SYT1: variants seen among roughly 807,000 people sequenced by gnomAD.
SYT1 encodes synaptotagmin 1, also known as synaptotagmin-1.
Under a neutral mutation model 44.8 loss-of-function variants are expected in SYT1, and 8 were observed. That is an observed-to-expected ratio of 0.18 (90% confidence interval 0.10 to 0.32). The LOEUF (loss-of-function observed/expected upper bound fraction) is 0.32, where lower values mean the gene tolerates loss of function less well. SYT1 is among the 10% of genes least tolerant of loss of function. The pLI is 1.00. For missense variants in SYT1, 286 were observed against 509.3 expected (o/e 0.56, Z 4.22); for synonymous variants, 154 against 188.8 (o/e 0.82, Z 1.51).
chr12:78,936,449 C>T (rs78000438), intron 1 of SYT1, among the ~76,000 whole-genome samples: 14 of 152,002 alleles, frequency 9.2e-5, no homozygotes, highest in African/African-American at 3.1e-4. Flanking sequence ...ATATGTGTTA[C>T]GTCTTTTAAG....
intron 8 of SYT1, among the ~76,000 whole-genome samples, chr12:79,315,601 G>C (rs1411716933): frequency 6.6e-6 from 1 of 152,158 alleles, no homozygotes. Context: ...CAGCCCTCAG[G>C]TGTGCTGGAA....
chr12:79,154,242 A>C (rs562747783), intron 3 of SYT1, among the ~76,000 whole-genome samples: 1 of 152,238 alleles, frequency 6.6e-6, no homozygotes, highest in African/African-American at 2.4e-5. Context: ...GAAGCTCTAA[A>C]ATTTCAGAAA....
At chr12:79,446,892 C>G (rs1209997065) in intron 10 of SYT1, among the ~76,000 whole-genome samples, 1 of 152,116 alleles carries the variant, frequency 6.6e-6, no homozygotes, top group Non-Finnish European at 1.5e-5. Context: ...ACTAACACCT[C>G]CTGGCATTTA....
intron 2 of SYT1, among the ~76,000 whole-genome samples, chr12:78,998,754 A>T (rs966674983): frequency 1.2e-4 from 19 of 152,194 alleles, no homozygotes; most frequent in African/African-American, 4.1e-4. Context: ...TGGAGTAATA[A>T]TATGAGCTTC....
intron 4 of SYT1, among the ~76,000 whole-genome samples, chr12:79,256,699 G>T (rs1160575206): frequency 6.6e-6 from 1 of 152,170 alleles, no homozygotes; most frequent in East Asian, 1.9e-4. Context: ...AAGTTTACAA[G>T]CAATAGGAAT....
chr12:79,303,302 G>C (rs189390668), intron 8 of SYT1, among the ~76,000 whole-genome samples: 1 of 151,492 alleles, frequency 6.6e-6, no homozygotes, highest in Admixed American at 6.6e-5. Flanking sequence ...TTAACATTTT[G>C]TTCCTATTTA....
intron 2 of SYT1, chr12:79,046,383 ATT>A (rs1191358323): frequency 5.3e-5 from 8 of 152,184 alleles, no homozygotes; most frequent in African/African-American, 1.9e-4. Flanking sequence ...TAAATATTTC[ATT>A]CTTTCCTCAT....
chr12:79,408,122 C>G (rs1270375661), intron 9 of SYT1, among the ~76,000 whole-genome samples: 1 of 152,088 alleles, frequency 6.6e-6, no homozygotes, highest in South Asian at 2.1e-4. Context: ...CTACTCTGAA[C>G]AGGAGATGGC....
chr12:78,947,509 AG>A (rs932529686), intron 1 of SYT1, among the ~76,000 whole-genome samples: 1 of 130,404 alleles, frequency 7.7e-6, no homozygotes, highest in Admixed American at 8.2e-5. Flanking sequence ...GTCTGACAAA[AG>A]GTTGAATCTA....
chr12:79,009,766 G>T (rs574228523), intron 2 of SYT1, among the ~76,000 whole-genome samples: 8 of 151,998 alleles, frequency 5.3e-5, no homozygotes, highest in Non-Finnish European at 8.8e-5. Context: ...TCTCTTCTTT[G>T]TTTCCCCATC....
intron 2 of SYT1, among the ~76,000 whole-genome samples, chr12:79,042,990 A>C (rs1873711459): frequency 6.8e-6 from 1 of 146,688 alleles, no homozygotes; most frequent in Admixed American, 7.0e-5. Flanking sequence ...GGTCTGAGAG[A>C]TAGTTTGTTA....
intron 1 of SYT1, among the ~76,000 whole-genome samples, chr12:78,873,933 T>C (rs1873939745): frequency 6.6e-6 from 1 of 151,598 alleles, no homozygotes; most frequent in Admixed American, 6.6e-5. Context: ...AATATAAGTG[T>C]GTTTGTAGCT....
At chr12:79,029,316 T>C (rs987976085) in intron 2 of SYT1, among the ~76,000 whole-genome samples, 1 of 150,772 alleles carries the variant, frequency 6.6e-6, no homozygotes, top group African/African-American at 2.4e-5. Flanking sequence ...TTTTCTTTTT[T>C]AATTCACACA....
intron 1 of SYT1, among the ~76,000 whole-genome samples, chr12:78,900,787 C>T (rs1048515745): frequency 1.3e-5 from 2 of 152,050 alleles, no homozygotes; most frequent in Non-Finnish European, 2.9e-5. Context: ...TTATGTGGAA[C>T]AATAGCTGTT....
chr12:78,931,240 AAGG>A lies in SYT1; in HGVS notation c.-216-46557_-216-46555del, dbSNP rs373204640. On this transcript the variant is annotated intron_variant, in intron 1 of 10. Coordinates refer to ENST00000261205, the MANE Select transcript of SYT1 (RefSeq NM_005639.3). ...GAAAGAAAGAAAGAAAGAAAGAAAGAAGGAAGGAAGGAAGGAAGGAAGGAAGGA... is the reference window on the plus strand; with the variant it reads ...GAAAGAAAGAAAGAAAGAAAGAAAGAAAGGAAGGAAGGAAGGAAGGAAGGA... Among the ~76,000 whole-genome samples the A allele has an allele frequency of 9.8e-3, 294 of 29,968 alleles. 11 individuals carry two copies. Among genetic ancestry groups the A allele is most frequent in the African/African-American group, 0.028 (163 of 5,898 alleles). 19.7% of individuals were successfully genotyped at this position (29,968 alleles called of 152,430 possible).
intron 1 of SYT1, among the ~76,000 whole-genome samples, chr12:78,920,085 A>C (rs1187722170): frequency 2.0e-5 from 3 of 151,974 alleles, no homozygotes; most frequent in African/African-American, 7.2e-5. Flanking sequence ...AAAAATGTGA[A>C]GCTAACTACC....
intron 4 of SYT1, among the ~76,000 whole-genome samples, chr12:79,280,629 A>G (rs1477390145): frequency 6.6e-6 from 1 of 152,074 alleles, no homozygotes; most frequent in African/African-American, 2.4e-5. Flanking sequence ...CCCAAAAGCA[A>G]ATGTAATAAA....
chr12:78,962,032 T>C (rs1003424461), intron 1 of SYT1, among the ~76,000 whole-genome samples: 1 of 152,180 alleles, frequency 6.6e-6, no homozygotes, highest in East Asian at 1.9e-4. Flanking sequence ...TTTGTTGTTT[T>C]ATAGGTTTCT....
chr12:79,388,044 G>A (rs1884504277), intron 9 of SYT1, among the ~76,000 whole-genome samples: 2 of 152,080 alleles, frequency 1.3e-5, no homozygotes, highest in African/African-American at 4.8e-5. Context: ...CCAAATCTTT[G>A]CTATCTCATG....
Sources: gnomAD v4.1 joint callset for allele counts (sites outside exome capture counted in the v4.1 genomes callset) on GRCh38, gnomAD v4.1.1 for gene constraint, MANE v1.5 for transcripts, NCBI Gene and HGNC (gene_info 2026-07-23, HGNC 2026-07-21) for gene names.